Variants in DMXL2 observed in about 807,000 individuals in gnomAD.
DMXL2 encodes dmX-like protein 2.
Under a neutral mutation model 331.1 loss-of-function variants are expected in DMXL2, and 103 were observed. The observed-to-expected ratio is 0.31, with a 90% confidence interval of 0.27 to 0.37. DMXL2 has a LOEUF of 0.37. DMXL2 is among the 10% of genes least tolerant of loss of function. The probability of loss-of-function intolerance (pLI) is 1.00; values close to 1 mark genes in which losing one functional copy is unlikely to be tolerated. For missense variants in DMXL2, 3,171 were observed against 3,642.9 expected (o/e 0.87, Z 3.33); for synonymous variants, 1,281 against 1,252.1 (o/e 1.02, Z -0.49).
intron 41 of DMXL2, among the ~76,000 whole-genome samples, chr15:51,452,347 G>T (rs1384084699): frequency 6.6e-6 from 1 of 152,058 alleles, no homozygotes; most frequent in Non-Finnish European, 1.5e-5. Flanking sequence ...TGCAGAGTGG[G>T]AGAAAATACA....
chr15:51,618,641 T>G (rs893476308), intron 1 of DMXL2, among the ~76,000 whole-genome samples: 10 of 152,182 alleles, frequency 6.6e-5, no homozygotes, highest in Non-Finnish European at 1.3e-4. Flanking sequence ...TTTTCAACAT[T>G]CTAAGAGTGT....
At chr15:51,475,220 G>A (rs959562047) in intron 27 of DMXL2, among the ~76,000 whole-genome samples, 2 of 152,050 alleles carry the variant, frequency 1.3e-5, no homozygotes, top group East Asian at 3.9e-4. Context: ...GGCTGGGCAC[G>A]GTGGCTCACA....
chr15:51,555,399 G>A (rs2049497482), intron 6 of DMXL2, among the ~76,000 whole-genome samples: 2 of 152,094 alleles, frequency 1.3e-5, no homozygotes, highest in Admixed American at 6.5e-5. Context: ...CAGGGAAGAG[G>A]TACAGGCAAA....
chr15:51,569,095 C>G (rs1050114720), intron 2 of DMXL2, among the ~76,000 whole-genome samples: 5 of 152,178 alleles, frequency 3.3e-5, no homozygotes, highest in African/African-American at 1.2e-4. Context: ...TGCACTTTTC[C>G]CATGGTCTTC....
At chr15:51,497,743 A>ATGG (rs2043282847) in intron 18 of DMXL2, among the ~76,000 whole-genome samples, 1 of 152,234 alleles carries the variant, frequency 6.6e-6, no homozygotes, top group East Asian at 1.9e-4. Flanking sequence ...GTATGACATT[A>ATGG]ACTGTATGGA....
chr15:51,450,050 AT>A, intron 43 of DMXL2, 78 bp downstream of exon 43: 4 of 1,314,456 alleles, frequency 3.0e-6, no homozygotes, highest in Non-Finnish European at 4.2e-6. Context: ...GTGAAGCTTT[AT>A]TTCAAAGAAT....
intron 27 of DMXL2, among the ~76,000 whole-genome samples, chr15:51,475,317 C>T (rs374066681): frequency 6.6e-6 from 1 of 152,044 alleles, no homozygotes; most frequent in Non-Finnish European, 1.5e-5. Flanking sequence ...TATGGTGAAA[C>T]CCTGTCTTTA....
At chr15:51,478,743 C>T (rs1182500526) in intron 25 of DMXL2, among the ~76,000 whole-genome samples, 2 of 151,782 alleles carry the variant, frequency 1.3e-5, no homozygotes, top group African/African-American at 2.4e-5. Context: ...TCACGAAATT[C>T]GCCTTGATGA....
intron 13 of DMXL2, among the ~76,000 whole-genome samples, chr15:51,521,439 T>C (rs1228650599): frequency 1.3e-5 from 2 of 149,228 alleles, no homozygotes; most frequent in Non-Finnish European, 3.0e-5. Flanking sequence ...GTAGTAGTAG[T>C]AGTAGTAGTA....
intron 29 of DMXL2, among the ~76,000 whole-genome samples, chr15:51,467,625 T>G (rs531743149): frequency 2.0e-5 from 3 of 152,160 alleles, no homozygotes; most frequent in Non-Finnish European, 4.4e-5. Context: ...GTTAGATGCA[T>G]CCTCTCACTA....
chr15:51,562,561 C>G (rs954801632), intron 6 of DMXL2, among the ~76,000 whole-genome samples: 1 of 151,880 alleles, frequency 6.6e-6, no homozygotes, highest in Non-Finnish European at 1.5e-5. Context: ...TGAATGAGAG[C>G]AAAGAGAACT....
chr15:51,594,651 T>A (rs978771283), intron 1 of DMXL2, among the ~76,000 whole-genome samples: 1 of 152,144 alleles, frequency 6.6e-6, no homozygotes, highest in Non-Finnish European at 1.5e-5. Context: ...TGAACATTGA[T>A]GCAAAAATCC....
chr15:51,486,361 T>TA, intron 22 of DMXL2, 24 bp from the exon 23 acceptor site: 1 of 1,466,232 alleles, frequency 6.8e-7, no homozygotes, highest in Non-Finnish European at 9.4e-7. Flanking sequence ...TATTAATACT[T>TA]ATCTTACTTA....
intron 6 of DMXL2, among the ~76,000 whole-genome samples, chr15:51,555,926 A>G (rs1363591205): frequency 5.3e-5 from 8 of 152,228 alleles, no homozygotes; most frequent in Non-Finnish European, 8.8e-5. Context: ...TCTTCACAAA[A>G]GAGAGCTTTC....
At chr15:51,585,253 T>C (rs551842901) in intron 1 of DMXL2, among the ~76,000 whole-genome samples, 219 of 127,492 alleles carry the variant, frequency 1.7e-3, no homozygotes, top group African/African-American at 6.3e-3. Context: ...CAGTATGATA[T>C]TGGCTGTGGG....
intron 8 of DMXL2, among the ~76,000 whole-genome samples, chr15:51,543,143 T>C (rs963724776): frequency 2.0e-5 from 3 of 152,208 alleles, no homozygotes; most frequent in South Asian, 2.1e-4. Context: ...TGCGTGATCA[T>C]GTGGACTATT....
chr15:51,544,490 A>G (rs867141746), intron 8 of DMXL2, among the ~76,000 whole-genome samples: 1 of 152,160 alleles, frequency 6.6e-6, no homozygotes, highest in African/African-American at 2.4e-5. Flanking sequence ...ATTATAAATC[A>G]CCCAGTTTCA....
chr15:51,543,994 C>T (rs776016271), intron 8 of DMXL2, among the ~76,000 whole-genome samples: 6 of 152,118 alleles, frequency 3.9e-5, no homozygotes, highest in Non-Finnish European at 7.4e-5. Context: ...CAAATATCTA[C>T]TTAAAAATTA....
chr15:51,560,903 T>A (rs1027217479), intron 6 of DMXL2, among the ~76,000 whole-genome samples: 1 of 151,496 alleles, frequency 6.6e-6, no homozygotes, highest in African/African-American at 2.4e-5. Context: ...AGTTGAGGAG[T>A]AGGGTACATG....
Sources: allele counts gnomAD v4.1 joint callset (sites outside exome capture counted in the v4.1 genomes callset), GRCh38; gene constraint gnomAD v4.1.1; transcripts MANE v1.5; gene names NCBI Gene and HGNC (gene_info 2026-07-23, HGNC 2026-07-21).